KLRG1: variants seen among roughly 807,000 people sequenced by gnomAD.
The protein encoded by KLRG1 is killer cell lectin like receptor G1.
Under a neutral mutation model 21.8 loss-of-function variants are expected in KLRG1, and 16 were observed. The observed-to-expected ratio is 0.73, with a 90% confidence interval of 0.50 to 1.11. The LOEUF is 1.11. Ranked by LOEUF, KLRG1 falls within the 50% of genes most tolerant of loss-of-function variation. The pLI is 0.00. For missense variants in KLRG1, 173 were observed against 218.3 expected (o/e 0.79, Z 1.31); for synonymous variants, 69 against 75.9 (o/e 0.91, Z 0.47).
the KLRG1 span, among the ~76,000 whole-genome samples, chr12:9,073,383 T>G: frequency 2.0e-5 from 3 of 152,218 alleles, no homozygotes; most frequent in African/African-American, 7.2e-5. Context: ...GTATTATAAT[T>G]ATCTTCTGGA....
chr12:9,079,045 G>A, the KLRG1 span, among the ~76,000 whole-genome samples: 3 of 151,752 alleles, frequency 2.0e-5, no homozygotes, highest in Non-Finnish European at 2.9e-5. Context: ...ATCCATTTTG[G>A]AAACAAGCCT....
chr12:9,021,403 C>CCT, the KLRG1 span, among the ~76,000 whole-genome samples: 4 of 137,782 alleles, frequency 2.9e-5, no homozygotes, highest in Non-Finnish European at 1.6e-5. Context: ...CTTTTTTACT[C>CCT]TTTTTTTTTT....
the KLRG1 span, among the ~76,000 whole-genome samples, chr12:9,204,703 C>T: frequency 4.6e-5 from 7 of 151,912 alleles, no homozygotes; most frequent in African/African-American, 1.7e-4. Flanking sequence ...TTTCTTGAGG[C>T]AATTAACATT....
downstream of KLRG1, among the ~76,000 whole-genome samples, chr12:9,012,071 G>C (rs1017729943): frequency 6.6e-6 from 1 of 152,202 alleles, no homozygotes; most frequent in African/African-American, 2.4e-5. Context: ...TCCTGGGCAA[G>C]TCCTGGTGCT....
At chr12:8,952,030 T>A (rs1451879883) in intron 1 of KLRG1, among the ~76,000 whole-genome samples, 1 of 152,266 alleles carries the variant, frequency 6.6e-6, no homozygotes, top group Non-Finnish European at 1.5e-5. Context: ...CTCTGAGAAC[T>A]GAGCTCAAGG....
chr12:9,095,176 A>G, the KLRG1 span: 1 of 647,144 alleles, frequency 1.5e-6, no homozygotes, highest in South Asian at 3.3e-5. Context: ...CAAGCAATCC[A>G]GTTAACTTAA....
intron 3 of KLRG1, among the ~76,000 whole-genome samples, chr12:9,007,410 G>C (rs530503097): frequency 6.6e-6 from 1 of 152,080 alleles, no homozygotes. Flanking sequence ...ACAGGTGCCC[G>C]CCACCATGCC....
intron 1 of KLRG1, among the ~76,000 whole-genome samples, chr12:8,965,407 G>T (rs1946452536): frequency 1.3e-5 from 2 of 151,416 alleles, no homozygotes; most frequent in South Asian, 4.2e-4. Flanking sequence ...GTCCCTGTTT[G>T]CAGATGACAT....
chr12:9,067,978 A>G, the KLRG1 span: 1 of 998,926 alleles, frequency 1.0e-6, no homozygotes, highest in South Asian at 1.4e-5. Context: ...ATTCCAAATC[A>G]TTACCCATAA....
the KLRG1 span, chr12:9,160,085 G>T: frequency 6.7e-5 from 99 of 1,487,422 alleles, no homozygotes; most frequent in African/African-American, 1.2e-3. Context: ...CCATCCATAT[G>T]TTTAGGCTCA....
At chr12:9,197,124 C>G in the KLRG1 span, 1 of 1,587,816 alleles carries the variant, frequency 6.3e-7, no homozygotes, top group Non-Finnish European at 8.6e-7. Context: ...ATAAGTGTAT[C>G]TGGTACATGA....
intron 1 of KLRG1, among the ~76,000 whole-genome samples, chr12:8,965,921 T>C (rs1407710449): frequency 6.6e-6 from 1 of 152,208 alleles, no homozygotes. Context: ...GGCATCACGC[T>C]ACCTGAATTC....
chr12:9,166,039 T>C, the KLRG1 span: 3 of 1,593,164 alleles, frequency 1.9e-6, no homozygotes, highest in Admixed American at 3.7e-5. Context: ...TGGAGGAAAG[T>C]AAAGTTACTT....
the KLRG1 span, chr12:9,165,293 A>G: frequency 2.9e-4 from 468 of 1,614,172 alleles, no homozygotes; most frequent in Middle Eastern, 2.6e-3. Flanking sequence ...ATCTTCGGAC[A>G]GGCAGAAGGC....
the KLRG1 span, among the ~76,000 whole-genome samples, chr12:9,211,627 T>C: frequency 2.6e-5 from 4 of 152,184 alleles, no homozygotes; most frequent in African/African-American, 9.6e-5. Flanking sequence ...GGAACTTCAT[T>C]GGTTTCCTTT....
intron 1 of KLRG1, among the ~76,000 whole-genome samples, chr12:8,982,826 A>G (rs1946777216): frequency 1.3e-5 from 2 of 151,932 alleles, no homozygotes; most frequent in South Asian, 4.2e-4. Flanking sequence ...TTGTATTTTT[A>G]GTAGAGATAG....
chr12:9,171,537 G>C, the KLRG1 span, among the ~76,000 whole-genome samples: 33 of 152,282 alleles, frequency 2.2e-4, no homozygotes, highest in Non-Finnish European at 4.3e-4. Flanking sequence ...TTCAGAAAGT[G>C]GATAACAATA....
intron 3 of KLRG1, chr12:8,996,511 A>G (rs1485613645): frequency 6.6e-6 from 1 of 152,190 alleles, no homozygotes; most frequent in East Asian, 1.9e-4. Flanking sequence ...GGAAAAATCC[A>G]GAGGTTACTC....
At chr12:9,004,449 T>C (rs1003419767) in intron 3 of KLRG1, among the ~76,000 whole-genome samples, 4 of 152,222 alleles carry the variant, frequency 2.6e-5, no homozygotes, top group African/African-American at 9.7e-5. Flanking sequence ...GTGTTCTTTA[T>C]TTCTATAGAT....
Sources: gnomAD v4.1 joint callset for allele counts (sites outside exome capture counted in the v4.1 genomes callset) on GRCh38, gnomAD v4.1.1 for gene constraint, MANE v1.5 for transcripts, NCBI Gene and HGNC (gene_info 2026-07-23, HGNC 2026-07-21) for gene names.